FARS2: variants seen among roughly 807,000 people sequenced by gnomAD.
FARS2 encodes the protein phenylalanyl-tRNA synthetase 2, mitochondrial.
In FARS2, 40 loss-of-function variants were observed where a neutral mutation model predicts 46.4. The ratio of observed to expected loss-of-function variants is 0.86; its 90% CI spans 0.67 to 1.12. The LOEUF (loss-of-function observed/expected upper bound fraction) is 1.12. Among genes scored for constraint, FARS2 ranks in the 50% most tolerant of loss-of-function variants. FARS2 has a pLI of 0.00. For synonymous variants in FARS2, 234 were observed against 214.9 expected (o/e 1.09, Z -0.78); for missense variants, 513 against 567.9 (o/e 0.90, Z 0.98).
At chr6:5,567,513 G>T (rs1004020467) in intron 5 of FARS2, among the ~76,000 whole-genome samples, 2 of 152,170 alleles carry the variant, frequency 1.3e-5, no homozygotes, top group African/African-American at 4.8e-5. Flanking sequence ...CTGGCCACAA[G>T]GAACTGATAT....
intron 6 of FARS2, among the ~76,000 whole-genome samples, chr6:5,689,326 G>C (rs1307544567): frequency 6.6e-6 from 1 of 151,910 alleles, no homozygotes; most frequent in Admixed American, 6.6e-5. Flanking sequence ...GCTTTCTCTT[G>C]TGGGCATTTA....
chr6:5,260,457 C>A (rs961569678), upstream of FARS2, among the ~76,000 whole-genome samples: 2 of 152,236 alleles, frequency 1.3e-5, no homozygotes, highest in African/African-American at 4.8e-5. Flanking sequence ...AAGAAAGGCT[C>A]CTCCCCGAGG....
intron 5 of FARS2, among the ~76,000 whole-genome samples, chr6:5,578,006 T>G (rs1773088899): frequency 6.6e-6 from 1 of 152,140 alleles, no homozygotes; most frequent in South Asian, 2.1e-4. Flanking sequence ...TTTCACCGTG[T>G]TAGCCAGGAT....
intron 6 of FARS2, among the ~76,000 whole-genome samples, chr6:5,662,884 G>A (rs1329684828): frequency 1.3e-5 from 2 of 152,142 alleles, no homozygotes; most frequent in Admixed American, 1.3e-4. Context: ...ATACTCCCAA[G>A]CTCATATGAT....
At chr6:5,426,400 A>C (rs147028718) in intron 3 of FARS2, among the ~76,000 whole-genome samples, 3,148 of 152,234 alleles carry the variant, frequency 0.021, 56 homozygotes, top group South Asian at 0.067. Flanking sequence ...AATAAGTCAC[A>C]CTCAACATAG....
At chr6:5,557,379 A>G (rs1383416690) in intron 5 of FARS2, among the ~76,000 whole-genome samples, 3 of 152,240 alleles carry the variant, frequency 2.0e-5, no homozygotes, top group Non-Finnish European at 2.9e-5. Flanking sequence ...TCTTACGACA[A>G]CGTCTAGAGA....
intron 1 of FARS2, among the ~76,000 whole-genome samples, chr6:5,296,353 G>T (rs12199351): frequency 2.0e-5 from 3 of 151,594 alleles, no homozygotes. Context: ...GTGTTAGCCA[G>T]GATGGTCTCG....
In FARS2 at chr6:5,632,888, T is replaced by A. The variant is rs557303469; in HGVS notation, c.1217+19568T>A. Among the ~76,000 whole-genome samples, 19 of 151,952 alleles carry A rather than the reference T, an allele frequency of 1.3e-4. No individual in the cohort carries two copies. In the South Asian group the frequency reaches 2.3e-3, roughly 18 times the overall value. On this transcript the variant is annotated intron_variant, in intron 6 of 6. Transcript: ENST00000274680. ...ATATATTCTCAACACTAGACCCTTA[T>A]CACTCTAAACTTTTCATTGCCTCCT...
intron 6 of FARS2, among the ~76,000 whole-genome samples, chr6:5,744,759 G>A (rs7740019): frequency 0.16 from 24,182 of 152,220 alleles, 2,301 homozygotes; most frequent in African/African-American, 0.27. Context: ...TCCCGTGATT[G>A]GCGCATAGCC....
At chr6:5,450,144 G>T (rs1764402705) in intron 4 of FARS2, among the ~76,000 whole-genome samples, 1 of 152,228 alleles carries the variant, frequency 6.6e-6, no homozygotes, top group African/African-American at 2.4e-5. Context: ...TGAGGCTACA[G>T]ATGGCCCCTG....
At chr6:5,441,015 G>T (rs761953748) in intron 4 of FARS2, among the ~76,000 whole-genome samples, 4 of 151,310 alleles carry the variant, frequency 2.6e-5, no homozygotes, top group Non-Finnish European at 5.9e-5. Flanking sequence ...TGCATCTCCC[G>T]GCTTCAGGTG....
At chr6:5,616,667 G>A (rs1017972238) in intron 6 of FARS2, among the ~76,000 whole-genome samples, 7 of 152,118 alleles carry the variant, frequency 4.6e-5, no homozygotes, top group Non-Finnish European at 8.8e-5. Flanking sequence ...TATGTATATT[G>A]AATAATCAGA....
intron 6 of FARS2, among the ~76,000 whole-genome samples, chr6:5,721,348 T>G (rs1181476859): frequency 6.6e-6 from 1 of 152,220 alleles, no homozygotes; most frequent in Non-Finnish European, 1.5e-5. Flanking sequence ...GTTAATAGAC[T>G]TTTGAGAAAA....
At position 5,432,362 on chromosome 6, in the gene FARS2, T is replaced by A. The variant is rs375341308; in HGVS notation, c.904+1190T>A. On this transcript the variant is annotated intron_variant, in intron 4 of 6. Coordinates refer to ENST00000274680, the MANE Select transcript of FARS2 (RefSeq NM_006567.5). ...TATATATATATATATTATATATATA[T>A]AATATATTATATATTTATATATTAT... is the stretch of plus-strand genomic sequence containing the variant. Among the ~76,000 whole-genome samples, 41 of 115,048 alleles carry A rather than the reference T, an allele frequency of 3.6e-4. 1 individual carries two copies. In the South Asian group the frequency reaches 4.0e-3, roughly 11 times the overall value. The allele number at this position is 115,048 out of a possible 152,430, so 75.5% of individuals were successfully genotyped here.
At chr6:5,625,054 A>G (rs2326632) in intron 6 of FARS2, among the ~76,000 whole-genome samples, 45,360 of 152,036 alleles carry the variant, frequency 0.3, 7,034 homozygotes, top group Middle Eastern at 0.37. Context: ...TGAATGTACC[A>G]TAGCTCCCAC....
intron 4 of FARS2, among the ~76,000 whole-genome samples, chr6:5,468,694 A>G (rs1275738166): frequency 1.3e-5 from 2 of 152,168 alleles, no homozygotes; most frequent in Non-Finnish European, 2.9e-5. Flanking sequence ...ATAATCAGCA[A>G]TCCATTTTGT....
intron 1 of FARS2, among the ~76,000 whole-genome samples, chr6:5,279,513 A>C (rs72815605): frequency 0.021 from 3,169 of 150,726 alleles, 63 homozygotes; most frequent in Non-Finnish European, 0.034. Context: ...TCGTTTGGCT[A>C]GTTTCTCTCT....
intron 6 of FARS2, among the ~76,000 whole-genome samples, chr6:5,618,216 G>T (rs1775575372): frequency 6.6e-6 from 1 of 151,990 alleles, no homozygotes; most frequent in African/African-American, 2.4e-5. Context: ...AGTTTTTTTT[G>T]AAGACTCTGA....
At position 5,624,720 on chromosome 6, in the gene FARS2, C is replaced by A. The variant is rs191519593; in HGVS notation, c.1217+11400C>A. On this transcript the variant is annotated intron_variant, in intron 6 of 6. Transcript: ENST00000274680. ...CATCCTTTGATGTTCCCTGCCCCAC[C>A]CCCTCATGATTAGATTCAAGCAAGT... is the stretch of plus-strand genomic sequence containing the variant. Among the ~76,000 whole-genome samples, 317 of 152,184 alleles carry A rather than the reference C, an allele frequency of 2.1e-3. 3 individuals carry two copies. The highest frequency in any genetic ancestry group is 7.4e-3 in the African/African-American group (307 of 41,532).
Sources: gnomAD v4.1 joint callset for allele counts (sites outside exome capture counted in the v4.1 genomes callset) on GRCh38, gnomAD v4.1.1 for gene constraint, MANE v1.5 for transcripts, NCBI Gene and HGNC (gene_info 2026-07-23, HGNC 2026-07-21) for gene names.